COL10A1: variants seen among roughly 807,000 people sequenced by gnomAD.
COL10A1 encodes the protein collagen type X alpha 1 chain.
Under a neutral mutation model 18.2 loss-of-function variants are expected in COL10A1, and 10 were observed. The ratio of observed to expected loss-of-function variants is 0.55; its 90% CI spans 0.34 to 0.93. COL10A1 has a LOEUF of 0.93. COL10A1 is among the 40% of genes least tolerant of loss of function. The pLI is 0.02. For missense variants in COL10A1, 897 were observed against 853.5 expected, an observed-to-expected ratio of 1.05 and a Z score of -0.64; for synonymous variants, 330 against 316.6, an observed-to-expected ratio of 1.04 and a Z score of -0.45.
At chr6:116,199,157 A>T in the COL10A1 span, among the ~76,000 whole-genome samples, 3 of 152,198 alleles carry the variant, frequency 2.0e-5, no homozygotes, top group East Asian at 5.8e-4. Flanking sequence ...GCCGTAATGT[A>T]TAAAAATATC....
chr6:116,143,278 T>C (rs1210382223), intron 1 of COL10A1, among the ~76,000 whole-genome samples: 3 of 152,176 alleles, frequency 2.0e-5, no homozygotes, highest in African/African-American at 7.2e-5. Context: ...TGGCGCGATT[T>C]TGGCTCATTG....
chr6:116,155,051 G>C (rs1264632836), intron 1 of COL10A1, among the ~76,000 whole-genome samples: 1 of 152,160 alleles, frequency 6.6e-6, no homozygotes, highest in East Asian at 1.9e-4. Context: ...GTTTGACAGG[G>C]AGTATACAGA....
intron 1 of COL10A1, among the ~76,000 whole-genome samples, chr6:116,145,983 T>G (rs1779889326): frequency 6.6e-6 from 1 of 152,212 alleles, no homozygotes; most frequent in South Asian, 2.1e-4. Context: ...CAGGCAGAAA[T>G]CTTTCCTTAC....
chr6:116,212,107 ATTC>A, the COL10A1 span, among the ~76,000 whole-genome samples: 1 of 152,104 alleles, frequency 6.6e-6, no homozygotes, highest in African/African-American at 2.4e-5. Context: ...TATTTTATCA[ATTC>A]TTTTTCAAAT....
At chr6:116,141,448 T>G (rs558458334) in intron 1 of COL10A1, among the ~76,000 whole-genome samples, 1 of 152,282 alleles carries the variant, frequency 6.6e-6, no homozygotes, top group African/African-American at 2.4e-5. Context: ...AATAATTCAT[T>G]GAGATTCAAT....
rs188960764 is a variant in COL10A1, at chr6:116,143,946, A to T, written c.-16+14668T>A. Among the ~76,000 whole-genome samples the T allele has an allele frequency of 1.2e-4, 18 of 152,340 alleles. No homozygotes were observed. The East Asian group carries it at 3.5e-3, about 29-fold the overall frequency. On this transcript the variant is annotated intron_variant, in intron 1 of 1. Coordinates refer to the COL10A1 transcript ENST00000418500. Reference sequence around the variant, plus strand: ...TGTAATGCTTTATAATAAAGAACTGATGTGAGTAGAATGTCTTAAACCTTT... The same window carrying T: ...TGTAATGCTTTATAATAAAGAACTGTTGTGAGTAGAATGTCTTAAACCTTT...
intron 1 of COL10A1, among the ~76,000 whole-genome samples, chr6:116,154,417 G>A (rs1780128993): frequency 1.3e-5 from 2 of 152,092 alleles, no homozygotes; most frequent in South Asian, 4.2e-4. Flanking sequence ...TTTCTTACCT[G>A]GCCCCTGACA....
the COL10A1 span, among the ~76,000 whole-genome samples, chr6:116,173,892 A>C: frequency 6.6e-6 from 1 of 152,160 alleles, no homozygotes; most frequent in Non-Finnish European, 1.5e-5. Context: ...TTTTATACTA[A>C]TGTCCTTTTC....
At chr6:116,187,159 A>G in the COL10A1 span, among the ~76,000 whole-genome samples, 8 of 152,124 alleles carry the variant, frequency 5.3e-5, no homozygotes, top group South Asian at 1.7e-3. Flanking sequence ...CAGCAGAGCT[A>G]CTGGGCTTTG....
the COL10A1 span, among the ~76,000 whole-genome samples, chr6:116,171,334 T>C: frequency 1.3e-5 from 2 of 152,200 alleles, no homozygotes; most frequent in Non-Finnish European, 2.9e-5. Context: ...AAGCATTATT[T>C]TGTGGATTTT....
Position 116,120,072 on chromosome 6 carries a change from C to T in COL10A1, c.*1G>A. ...AAGATTTAGATTAGCTCTGTGTGTACTCACATTGGAGCCACTAGGAATCCT... is the reference window on the plus strand; with the variant it reads ...AAGATTTAGATTAGCTCTGTGTGTATTCACATTGGAGCCACTAGGAATCCT... On this transcript the variant is annotated 3_prime_UTR_variant, in exon 3 of 3. Transcript: ENST00000651968. 1 of 1,559,546 alleles carries T rather than the reference C, an allele frequency of 6.4e-7. No individual in the cohort carries two copies. The highest frequency in any genetic ancestry group is 8.8e-7 in the Non-Finnish European group (1 of 1,133,974).
chr6:116,169,195 G>A, the COL10A1 span, among the ~76,000 whole-genome samples: 2 of 152,118 alleles, frequency 1.3e-5, no homozygotes, highest in African/African-American at 4.8e-5. Flanking sequence ...TTCTCAACTT[G>A]ACCTCTTAAA....
At chr6:116,167,206 A>ATT in the COL10A1 span, among the ~76,000 whole-genome samples, 3,037 of 87,756 alleles carry the variant, frequency 0.035, 174 homozygotes, top group African/African-American at 0.083. Context: ...CAAATAGAAG[A>ATT]TTTTTTTTTT....
At chr6:116,167,206 ATTTTTTTT>A in the COL10A1 span, among the ~76,000 whole-genome samples, 6 of 87,796 alleles carry the variant, frequency 6.8e-5, no homozygotes, top group African/African-American at 2.0e-4. Flanking sequence ...CAAATAGAAG[ATTTTTTTT>A]TTTTTTTTTT....
At chr6:116,137,525 C>T in intron 1 of COL10A1, 1 of 211,268 alleles carries the variant, frequency 4.7e-6, no homozygotes, top group South Asian at 8.9e-5. Context: ...TAATGTATTT[C>T]ACAGTCTCCT....
At chr6:116,172,510 C>T in the COL10A1 span, among the ~76,000 whole-genome samples, 1 of 151,774 alleles carries the variant, frequency 6.6e-6, no homozygotes, top group Non-Finnish European at 1.5e-5. Context: ...TGAGTAGAGA[C>T]AGGGTTTCAC....
the COL10A1 span, among the ~76,000 whole-genome samples, chr6:116,205,054 A>G: frequency 6.6e-6 from 1 of 151,984 alleles, no homozygotes; most frequent in Non-Finnish European, 1.5e-5. Context: ...ATTTATCTGA[A>G]AAGTATACAG....
chr6:116,145,492 T>G, intron 1 of COL10A1: 1 of 370,760 alleles, frequency 2.7e-6, no homozygotes, highest in Non-Finnish European at 6.1e-6. Flanking sequence ...TTCATACTTA[T>G]TTAAGAGATT....
the COL10A1 span, among the ~76,000 whole-genome samples, chr6:116,164,774 T>G: frequency 6.6e-6 from 1 of 152,158 alleles, no homozygotes; most frequent in Non-Finnish European, 1.5e-5. Flanking sequence ...TCCTTAGCAT[T>G]TGTTTGTTTG....
Sources: gnomAD v4.1 joint callset for allele counts (sites outside exome capture counted in the v4.1 genomes callset) on GRCh38, gnomAD v4.1.1 for gene constraint, MANE v1.5 for transcripts, NCBI Gene and HGNC (gene_info 2026-07-23, HGNC 2026-07-21) for gene names.